The following MEIOC variants were observed in gnomAD, a reference collection of about 807,000 sequenced individuals.
MEIOC encodes the protein meiosis specific with coiled-coil domain.
In MEIOC, 9 loss-of-function variants were observed where a neutral mutation model predicts 85.3. The observed-to-expected ratio is 0.11, with a 90% CI of 0.06 to 0.18. The LOEUF (loss-of-function observed/expected upper bound fraction) is 0.18. MEIOC is among the 10% of genes least tolerant of loss of function. The pLI, the probability that MEIOC is intolerant of heterozygous loss-of-function variation, is 1.00. For synonymous variants in MEIOC, 365 were observed against 393.7 expected (o/e 0.93, Z 0.86); for missense variants, 898 against 1,129.4 (o/e 0.80, Z 2.94).
rs1300072783 is a variant in MEIOC, at chr17:44,667,941, A to T, written c.2030A>T (p.Asn677Ile). 2 of 1,613,792 alleles carry T rather than the reference A, an allele frequency of 1.2e-6. No homozygotes were observed. The highest frequency in any genetic ancestry group is 2.7e-5 in the African/African-American group (2 of 74,948). ...NNYMMGDLRH[N>I]QCFQQLGSNG... is the part of the protein sequence containing the mutation. ...TATATGATGGGAGATTTAAGGCATA[A>T]TCAGTGTTTTCAACAACTTGGTTCA... The change falls in exon 5 of 8, where the codon AAT (asparagine) becomes ATT (isoleucine). Residue 677 changes from asparagine to isoleucine, a missense_variant. Physicochemically the swap from Asn to Ile is moderately radical, Grantham distance 149. Transcript: ENST00000409122.
In MEIOC at chr17:44,657,249, C is replaced by T; in HGVS notation, c.192C>T (p.Cys64=). ...CTGGCTCCGCTTCCTTCTACGATTGCTACACATCGCAGGTCCTTTAGTAAA... is the reference window on the plus strand; with the variant it reads ...CTGGCTCCGCTTCCTTCTACGATTGTTACACATCGCAGGTCCTTTAGTAAA... ...MLTGSASFYD[C]YTSQSEDNVD... The change falls in exon 2 of 8, where the codon TGC becomes TGT. Residue 64 remains cysteine (C), a synonymous_variant. Coordinates refer to ENST00000409122, the MANE Select transcript of MEIOC (RefSeq NM_001145080.3). 6.4e-7 allele frequency: 1 copy of T among 1,551,860 alleles called. No homozygotes were observed. Among genetic ancestry groups the T allele is most frequent in the Non-Finnish European group, 8.7e-7 (1 of 1,146,778 alleles).
rs554750912 is a variant in MEIOC at position 44,668,026 on chromosome 17, T to C, written c.2115T>C (p.Asp705=). The C allele has an allele frequency of 1.2e-6, 2 of 1,613,634 alleles. No individual in the cohort carries two copies. The highest frequency in any genetic ancestry group is 2.7e-5 in the African/African-American group (2 of 75,072). The change falls in exon 5 of 8, where the codon GAT becomes GAC. Residue 705 remains aspartate (D), a synonymous_variant. Coordinates refer to ENST00000409122, the MANE Select transcript of MEIOC (RefSeq NM_001145080.3). ...PFGHSVVPLL[D]SYDLLSYDDL... ...GCCATTCAGTTGTTCCACTGTTGGATTCCTATGACTTACTTTCTTATGATG... is the reference window on the plus strand; with the variant it reads ...GCCATTCAGTTGTTCCACTGTTGGACTCCTATGACTTACTTTCTTATGATG...
chr17:44,656,777 G>A, intron 1 of MEIOC, 95 bp downstream of exon 1: 1 of 893,782 alleles, frequency 1.1e-6, no homozygotes. Flanking sequence ...CCCTAGACGG[G>A]GCGGCAGAGG....
rs892068065 is a variant in MEIOC, at chr17:44,675,517, A to G, written c.*1321A>G. On this transcript the variant is annotated 3_prime_UTR_variant, in exon 8 of 8. Transcript: ENST00000409122. Reference sequence around the variant, plus strand: ...AGTTTTAGAAATTCTGGTATTAAAAAAAAAAAGAGTGTAATCATACCACAT... The same window carrying G: ...AGTTTTAGAAATTCTGGTATTAAAAGAAAAAAGAGTGTAATCATACCACAT... 4.1e-6 allele frequency: 4 copies of G among 978,612 alleles called. No individual in the cohort carries two copies. The highest frequency in any genetic ancestry group is 3.6e-6 in the Non-Finnish European group (3 of 823,690). The allele number at this position is 978,612 out of a possible 1,614,324, so 60.6% of individuals were successfully genotyped here. A position where few individuals can be genotyped will look rare whatever the true frequency, so the allele number is the denominator to read the frequency against.
rs1200918320 is a variant in MEIOC at position 44,667,527 on chromosome 17, A to G, written c.1616A>G (p.Asn539Ser). 3 of 1,613,794 alleles carry G rather than the reference A, an allele frequency of 1.9e-6. No homozygotes were observed. The highest frequency in any genetic ancestry group is 2.5e-6 in the Non-Finnish European group (3 of 1,179,848). The change falls in exon 5 of 8, where the codon AAC becomes AGC. Residue 539 changes from asparagine (N) to serine (S), a missense_variant. By Grantham distance (46) the Asn-to-Ser change is conservative (BLOSUM62 1). Transcript: ENST00000409122. The part of the protein sequence containing the change: ...SNLFQKYCQE[N>S]PSAFSSFDFS... ...TTATTTCAGAAATATTGCCAAGAAA[A>G]CCCTTCAGCATTTTCTAGTTTTGAT...
intron 7 of MEIOC, 199 bp from the exon 8 acceptor site, chr17:44,673,777 T>A: frequency 1.3e-6 from 1 of 743,918 alleles, no homozygotes; most frequent in East Asian, 2.7e-5. Flanking sequence ...TAGTCACTAT[T>A]GTACAAGTCA....
At chr17:44,676,022 G>A (rs3897490), downstream of MEIOC, 150,473 of 153,470 alleles carry the variant, frequency 0.98, 73,823 homozygotes, top group East Asian at 1. Flanking sequence ...ATGCTAATCC[G>A]TGTAAACCAG....
In MEIOC at chr17:44,657,075, G is replaced by T. The variant is rs149437834; in HGVS notation, c.70-52G>T. ...ACAGGTGTCGGGCCGTTTCAGCTCC[G>T]GCGTCACCCTCGTGACCACTTTCTG... On this transcript the variant is annotated intron_variant, in intron 1 of 7. Coordinates refer to ENST00000409122, the MANE Select transcript of MEIOC (RefSeq NM_001145080.3). 2.6e-6 allele frequency: 4 copies of T among 1,521,192 alleles called. No homozygotes were observed. The East Asian group carries it at 9.9e-5, about 38-fold the overall frequency. The allele number at this position is 1,521,192 out of a possible 1,614,324, so 94.2% of individuals were successfully genotyped here. A position where few individuals can be genotyped will look rare whatever the true frequency, so the allele number is the denominator to read the frequency against.
chr17:44,665,187 A>ATT, intron 3 of MEIOC, 197 bp from the exon 4 acceptor site: 1 of 1,041,698 alleles, frequency 9.6e-7, no homozygotes, highest in Non-Finnish European at 1.2e-6. Flanking sequence ...AAGGAGAAAT[A>ATT]TTTATGTGGA....
Position 44,666,790 on chromosome 17 carries a change from C to G in MEIOC, c.879C>G (p.Asp293Glu). 6.2e-7 allele frequency: 1 copy of G among 1,613,382 alleles called. No homozygotes were observed. The highest frequency in any genetic ancestry group is 8.5e-7 in the Non-Finnish European group (1 of 1,179,736). ...SGVDIYHYGR[D>E]RICTKGLEAP... ...TTGATATCTACCATTATGGAAGAGA[C>G]AGAATATGTACTAAAGGTCTTGAAG... The change falls in exon 5 of 8, where the codon GAC becomes GAG. Residue 293 changes from aspartate to glutamate, a missense_variant. Asp to Glu is a conservative substitution (Grantham distance 45). Around this residue, in one of 2 missense-constraint regions of MEIOC, gnomAD observed 734 missense variants for 860.1 expected, o/e 0.85. Transcript: ENST00000409122.
chr17:44,656,606 G>C lies in MEIOC; in HGVS notation c.-8G>C. 1 of 1,472,444 alleles carries C rather than the reference G, an allele frequency of 6.8e-7. No individual in the cohort carries two copies. Among genetic ancestry groups the C allele is most frequent in the Non-Finnish European group, 9.0e-7 (1 of 1,109,530 alleles). The allele number at this position is 1,472,444 out of a possible 1,614,324, so 91.2% of individuals were successfully genotyped here. On this transcript the variant is annotated 5_prime_UTR_variant, in exon 1 of 8. Coordinates refer to ENST00000409122, the MANE Select transcript of MEIOC (RefSeq NM_001145080.3). ...GTGCCTAGTCCAGGAGAGGCTGGGG[G>C]GCGCCCCATGGAGGTGAGACGCGGA...
At chr17:44,663,965 A>T (rs1449899396) in intron 3 of MEIOC, among the ~76,000 whole-genome samples, 2 of 152,214 alleles carry the variant, frequency 1.3e-5, no homozygotes, top group African/African-American at 4.8e-5. Context: ...CAATGTTATG[A>T]AGATCAATTA....
rs543392768 is a variant in MEIOC at position 44,657,956 on chromosome 17, G to T, written c.204+695G>T. Among the ~76,000 whole-genome samples, 4 of 151,520 alleles carry T rather than the reference G, an allele frequency of 2.6e-5. No individual in the cohort carries two copies. In the East Asian group the frequency reaches 5.8e-4, roughly 22 times the overall value. On this transcript the variant is annotated intron_variant, in intron 2 of 7. Transcript: ENST00000409122. ...AACCTCTGTCTCCCTGGTTCAAGCAGTTCTTCCGTCTCAGCCTCCCCAGTA... is the reference window on the plus strand; with the variant it reads ...AACCTCTGTCTCCCTGGTTCAAGCATTTCTTCCGTCTCAGCCTCCCCAGTA...
At position 44,665,365 on chromosome 17, in the gene MEIOC, C is replaced by T. The variant is rs770905127; in HGVS notation, c.360-19C>T. 2.4e-5 allele frequency: 35 copies of T among 1,459,226 alleles called. No individual in the cohort carries two copies. In the East Asian group the frequency reaches 3.8e-4, roughly 16 times the overall value. 90.4% of individuals were successfully genotyped at this position (1,459,226 alleles called of 1,614,324 possible). Reference sequence around the variant, plus strand: ...GTAATCAATATATTGTATTTCAGCACGAATTCATTTATTTTTAGGATTCAA... The same window carrying T: ...GTAATCAATATATTGTATTTCAGCATGAATTCATTTATTTTTAGGATTCAA... On this transcript the variant is annotated intron_variant, in intron 3 of 7. Coordinates refer to ENST00000409122, the MANE Select transcript of MEIOC (RefSeq NM_001145080.3).
Position 44,657,115 on chromosome 17 carries a change from C to T in MEIOC, c.70-12C>T, listed in dbSNP as rs1006077134. On this transcript the variant is annotated splice_polypyrimidine_tract_variant and intron_variant, in intron 1 of 7. Transcript: ENST00000409122. ...ACCACTTTCTGATATTTCCTATTCCCGTGTGCTGCAGCCCAAAGTCGCGTT... is the reference window on the plus strand; with the variant it reads ...ACCACTTTCTGATATTTCCTATTCCTGTGTGCTGCAGCCCAAAGTCGCGTT... 6 of 1,547,262 alleles carry T rather than the reference C, an allele frequency of 3.9e-6. No homozygotes were observed. The African/African-American group carries it at 8.2e-5, about 21-fold the overall frequency.
At chr17:44,656,714 G>A in intron 1 of MEIOC, 32 bp downstream of exon 1, 2 of 1,467,012 alleles carry the variant, frequency 1.4e-6, no homozygotes, top group Non-Finnish European at 1.8e-6. Flanking sequence ...GGTCCAGGGG[G>A]CGGCCAGACT....
At chr17:44,665,575 A>G in intron 4 of MEIOC, 87 bp downstream of exon 4, 1 of 522,028 alleles carries the variant, frequency 1.9e-6, no homozygotes, top group Non-Finnish European at 3.1e-6. Flanking sequence ...ATTTTTACTT[A>G]ATAGTGGATC....
chr17:44,656,542 C>T lies in MEIOC; in HGVS notation c.-72C>T. ...CGGGGTGCGGGCTGAGGGAGCCGGG[C>T]CTGGACGCCCCCCCCATCACCCCCG... On this transcript the variant is annotated 5_prime_UTR_variant, in exon 1 of 8. Coordinates refer to ENST00000409122, the MANE Select transcript of MEIOC (RefSeq NM_001145080.3). 8 of 1,221,586 alleles carry T rather than the reference C, an allele frequency of 6.5e-6. No homozygotes were observed. Among genetic ancestry groups the T allele is most frequent in the Non-Finnish European group, 7.5e-6 (7 of 931,744 alleles). 75.7% of individuals were successfully genotyped at this position (1,221,586 alleles called of 1,614,324 possible). A position where few individuals can be genotyped will look rare whatever the true frequency, so the allele number is the denominator to read the frequency against.
Position 44,656,553 on chromosome 17 carries a change from C to A in MEIOC, c.-61C>A. On this transcript the variant is annotated 5_prime_UTR_variant, in exon 1 of 8. Coordinates refer to ENST00000409122, the MANE Select transcript of MEIOC (RefSeq NM_001145080.3). ...CTGAGGGAGCCGGGCCTGGACGCCC[C>A]CCCCATCACCCCCGTACCCCAGGAG... is the stretch of plus-strand genomic sequence containing the variant. 1.6e-6 allele frequency: 2 copies of A among 1,284,910 alleles called. No individual in the cohort carries two copies. Among genetic ancestry groups the A allele is most frequent in the Non-Finnish European group, 1.0e-6 (1 of 985,278 alleles). 79.6% of individuals were successfully genotyped at this position (1,284,910 alleles called of 1,614,324 possible). A position where few individuals can be genotyped will look rare whatever the true frequency, so the allele number is the denominator to read the frequency against.
Sources: allele counts gnomAD v4.1 joint callset (sites outside exome capture counted in the v4.1 genomes callset), GRCh38; gene constraint gnomAD v4.1.1; regional missense constraint gnomAD v4.1.1; transcripts MANE v1.5; gene names NCBI Gene and HGNC (gene_info 2026-07-23, HGNC 2026-07-21).